Variants in CSMD1 observed in about 807,000 individuals in gnomAD.
CSMD1 encodes the protein CUB and Sushi multiple domains 1.
CSMD1 carries 213 observed loss-of-function variants against 417.5 expected under a neutral mutation model. The observed-to-expected ratio is 0.51, with a 90% CI of 0.46 to 0.57. The LOEUF (loss-of-function observed/expected upper bound fraction) is 0.57, where lower values mean the gene tolerates loss of function less well. CSMD1 is among the 20% of genes least tolerant of loss of function. The pLI, the probability that CSMD1 is intolerant of heterozygous loss-of-function variation, is 0.00. For missense variants in CSMD1, 6,923 were observed against 4,529.7 expected, an observed-to-expected ratio of 1.53 and a Z score of -15.17; for synonymous variants, 2,862 against 1,736.8, an observed-to-expected ratio of 1.65 and a Z score of -16.11.
chr8:3,354,662 G>C (rs910816374), intron 21 of CSMD1, among the ~76,000 whole-genome samples: 2 of 151,654 alleles, frequency 1.3e-5, no homozygotes, highest in East Asian at 3.9e-4. Flanking sequence ...TTACAATTTA[G>C]TGCCGTTATT....
intron 7 of CSMD1, among the ~76,000 whole-genome samples, chr8:3,684,596 C>CTTTT (rs141663569): frequency 2.3e-5 from 3 of 127,936 alleles, no homozygotes; most frequent in Non-Finnish European, 3.3e-5. Context: ...CTGATACAGT[C>CTTTT]TTTTTTTTTT....
intron 3 of CSMD1, among the ~76,000 whole-genome samples, chr8:4,276,171 CAT>C (rs1363460514): frequency 1.3e-5 from 2 of 152,142 alleles, no homozygotes; most frequent in Non-Finnish European, 1.5e-5. Flanking sequence ...CACATGCACA[CAT>C]ATGCTTATTG....
chr8:3,681,003 A>C (rs1799631559), intron 7 of CSMD1, among the ~76,000 whole-genome samples: 3 of 152,340 alleles, frequency 2.0e-5, no homozygotes, highest in African/African-American at 4.8e-5. Flanking sequence ...TCATGCTAAA[A>C]ACTCTCAATA....
chr8:4,438,513 G>A (rs910301935), intron 2 of CSMD1, among the ~76,000 whole-genome samples: 1 of 152,210 alleles, frequency 6.6e-6, no homozygotes, highest in Admixed American at 6.5e-5. Context: ...GGAAGATGCA[G>A]GTGGAAGTCC....
At chr8:3,091,812 T>C (rs981171092) in intron 47 of CSMD1, 150 bp from the exon 48 acceptor site, 4 of 609,962 alleles carry the variant, frequency 6.6e-6, no homozygotes, top group East Asian at 3.3e-5. Flanking sequence ...CAAATGGCTA[T>C]AGTGACAGAT....
At chr8:4,682,648 T>A (rs956772683) in intron 1 of CSMD1, among the ~76,000 whole-genome samples, 1 of 151,978 alleles carries the variant, frequency 6.6e-6, no homozygotes, top group African/African-American at 2.4e-5. Context: ...TAATTTTGGA[T>A]TTTAGGATAT....
At chr8:4,094,077 G>A (rs539768238) in intron 3 of CSMD1, among the ~76,000 whole-genome samples, 1 of 152,162 alleles carries the variant, frequency 6.6e-6, no homozygotes, top group Non-Finnish European at 1.5e-5. Flanking sequence ...CAGTGTGGAA[G>A]TGACGCTGTG....
chr8:3,645,513 G>T (rs1797531162), intron 7 of CSMD1, among the ~76,000 whole-genome samples: 1 of 152,174 alleles, frequency 6.6e-6, no homozygotes. Context: ...GGGAAGGAAG[G>T]GGAGGATGTG....
At chr8:4,603,219 A>C (rs2130770153) in intron 2 of CSMD1, among the ~76,000 whole-genome samples, 1 of 152,208 alleles carries the variant, frequency 6.6e-6, no homozygotes, top group Non-Finnish European at 1.5e-5. Flanking sequence ...AAGCAATAGA[A>C]GAAAATTCTC....
At chr8:3,651,446 G>A (rs144328447) in intron 7 of CSMD1, among the ~76,000 whole-genome samples, 50 of 151,980 alleles carry the variant, frequency 3.3e-4, no homozygotes, top group African/African-American at 1.1e-3. Flanking sequence ...AATGCCTCAG[G>A]GTCTGTGCAC....
intron 3 of CSMD1, among the ~76,000 whole-genome samples, chr8:4,170,530 T>C (rs996382470): frequency 1.7e-4 from 26 of 152,010 alleles, no homozygotes; most frequent in Middle Eastern, 6.8e-3. Context: ...GTAAAGTCTA[T>C]AGTCGGAGTA....
intron 1 of CSMD1, among the ~76,000 whole-genome samples, chr8:4,887,803 A>G (rs539174584): frequency 6.6e-6 from 1 of 151,876 alleles, no homozygotes; most frequent in Non-Finnish European, 1.5e-5. Context: ...TTCTAGTGAC[A>G]CTTTTTGTTT....
intron 33 of CSMD1, among the ~76,000 whole-genome samples, chr8:3,192,477 A>G (rs1294555928): frequency 6.6e-6 from 1 of 152,168 alleles, no homozygotes; most frequent in Non-Finnish European, 1.5e-5. Context: ...ATGATGACTT[A>G]GTTTATGAAA....
chr8:4,740,692 G>T (rs1416939234), intron 1 of CSMD1, among the ~76,000 whole-genome samples: 2 of 152,174 alleles, frequency 1.3e-5, no homozygotes, highest in African/African-American at 4.8e-5. Context: ...CTCAAGGAGG[G>T]TGAGGTTGAA....
chr8:4,716,241 C>T (rs1808647816), intron 1 of CSMD1, among the ~76,000 whole-genome samples: 1 of 152,170 alleles, frequency 6.6e-6, no homozygotes, highest in Non-Finnish European at 1.5e-5. Context: ...TGCCAAGAAT[C>T]CTTACACTTC....
chr8:2,960,255 A>G (rs1015161146), intron 62 of CSMD1, among the ~76,000 whole-genome samples: 3 of 152,220 alleles, frequency 2.0e-5, no homozygotes, highest in African/African-American at 7.2e-5. Context: ...AAAATGTGCT[A>G]GAGTCAGTAT....
intron 23 of CSMD1, among the ~76,000 whole-genome samples, chr8:3,329,620 G>A (rs1270109685): frequency 2.0e-5 from 3 of 152,112 alleles, no homozygotes; most frequent in African/African-American, 7.2e-5. Context: ...TTCACAGGTT[G>A]GAGCTCAGGC....
At chr8:3,675,147 G>A (rs1799307469) in intron 7 of CSMD1, among the ~76,000 whole-genome samples, 1 of 152,128 alleles carries the variant, frequency 6.6e-6, no homozygotes, top group South Asian at 2.1e-4. Flanking sequence ...TGGCTCAAGT[G>A]CCACTTTCTC....
intron 3 of CSMD1, among the ~76,000 whole-genome samples, chr8:4,202,902 G>A (rs888135149): frequency 1.3e-5 from 2 of 152,194 alleles, no homozygotes; most frequent in Admixed American, 6.5e-5. Flanking sequence ...GGCATGGACT[G>A]TGTGGACACC....
Sources: gnomAD v4.1 joint callset for allele counts (sites outside exome capture counted in the v4.1 genomes callset) on GRCh38, gnomAD v4.1.1 for gene constraint, MANE v1.5 for transcripts, NCBI Gene and HGNC (gene_info 2026-07-23, HGNC 2026-07-21) for gene names.